The following UST variants were observed in gnomAD, a reference collection of about 807,000 sequenced individuals.
UST encodes chondroitin sulfate 2-O-sulfotransferase.
In UST, 21 loss-of-function variants were observed where a neutral mutation model predicts 45.6. The observed-to-expected ratio is 0.46, with a 90% CI of 0.33 to 0.66. The LOEUF (loss-of-function observed/expected upper bound fraction) is 0.66. UST is among the 30% of genes least tolerant of loss of function. UST has a pLI of 0.02. For synonymous variants in UST, 215 were observed against 200.6 expected, an observed-to-expected ratio of 1.07 and a Z score of -0.61; for missense variants, 463 against 512.4, an observed-to-expected ratio of 0.90 and a Z score of 0.93.
At position 148,895,306 on chromosome 6, in the gene UST, CAT is replaced by C. The variant is rs1344728712; in HGVS notation, c.291+8280_291+8281del. Among the ~76,000 whole-genome samples the C allele has an allele frequency of 2.0e-5, 3 of 152,054 alleles. No individual in the cohort carries two copies. The East Asian group carries it at 5.8e-4, about 29-fold the overall frequency. On this transcript the variant is annotated intron_variant, in intron 2 of 7. Transcript: ENST00000367463. The stretch of plus-strand genomic sequence containing the variant: ...ATTGTGTTATCTTCTACACAAAAAA[CAT>C]ATTATATTACATCATATTTTTCTCT...
At chr6:148,823,519 A>G (rs973181870) in intron 1 of UST, among the ~76,000 whole-genome samples, 2 of 152,128 alleles carry the variant, frequency 1.3e-5, no homozygotes, top group Non-Finnish European at 2.9e-5. Context: ...GGAGAATTAT[A>G]TTTTCTTTCT....
intron 2 of UST, among the ~76,000 whole-genome samples, chr6:148,923,845 C>T (rs1046833431): frequency 1.3e-5 from 2 of 152,194 alleles, no homozygotes; most frequent in African/African-American, 2.4e-5. Flanking sequence ...CGCTTGGAAG[C>T]CAGATAGGCC....
intron 2 of UST, among the ~76,000 whole-genome samples, chr6:148,930,623 G>A (rs1430227289): frequency 6.6e-6 from 1 of 152,172 alleles, no homozygotes; most frequent in African/African-American, 2.4e-5. Context: ...CCCACATGCA[G>A]GCTGTTTTCA....
At chr6:149,048,937 C>T (rs1776434292) in intron 7 of UST, among the ~76,000 whole-genome samples, 1 of 152,154 alleles carries the variant, frequency 6.6e-6, no homozygotes, top group Non-Finnish European at 1.5e-5. Context: ...ACATTGTTAA[C>T]CCCTGGGGTA....
intron 1 of UST, among the ~76,000 whole-genome samples, chr6:148,783,696 C>G (rs371339461): frequency 6.6e-6 from 1 of 152,212 alleles, no homozygotes; most frequent in African/African-American, 2.4e-5. Flanking sequence ...TTCTCAACCC[C>G]TAAGCATGTT....
chr6:148,908,248 C>A lies in UST; in HGVS notation c.291+21219C>A, dbSNP rs191776441. Reference sequence around the variant, plus strand: ...AGTTTGTTTTAACTAGTTTTTATTCCTAGTAAAAATAGGCTCTCATTACTA... The same window carrying A: ...AGTTTGTTTTAACTAGTTTTTATTCATAGTAAAAATAGGCTCTCATTACTA... On this transcript the variant is annotated intron_variant, in intron 2 of 7. Coordinates refer to ENST00000367463, the MANE Select transcript of UST (RefSeq NM_005715.3). Among the ~76,000 whole-genome samples the A allele has an allele frequency of 3.7e-3, 565 of 152,080 alleles. 4 individuals are homozygous for A. The highest frequency in any genetic ancestry group is 0.014 in the Middle Eastern group (4 of 294).
intron 3 of UST, among the ~76,000 whole-genome samples, chr6:148,953,281 T>C (rs1780403362): frequency 6.6e-6 from 1 of 152,222 alleles, no homozygotes; most frequent in Non-Finnish European, 1.5e-5. Flanking sequence ...AGGCATTCTT[T>C]TATTTACATT....
At chr6:148,840,854 C>G (rs530029984) in intron 1 of UST, among the ~76,000 whole-genome samples, 1 of 152,268 alleles carries the variant, frequency 6.6e-6, no homozygotes, top group Admixed American at 6.5e-5. Context: ...GCTGGACACC[C>G]GGGTGCTCAG....
chr6:148,833,672 G>T (rs1395617963), intron 1 of UST, among the ~76,000 whole-genome samples: 1 of 152,166 alleles, frequency 6.6e-6, no homozygotes, highest in Non-Finnish European at 1.5e-5. Flanking sequence ...TTCTAGTTTT[G>T]CTGGAAATAG....
At chr6:148,954,033 C>A in intron 4 of UST, 82 bp downstream of exon 4, 2 of 1,105,028 alleles carry the variant, frequency 1.8e-6, no homozygotes, top group Non-Finnish European at 2.6e-6. Flanking sequence ...ATTTACAAGG[C>A]AGTGCAATTG....
At chr6:148,864,161 G>A (rs1182851918) in intron 1 of UST, among the ~76,000 whole-genome samples, 2 of 152,196 alleles carry the variant, frequency 1.3e-5, no homozygotes, top group Non-Finnish European at 2.9e-5. Context: ...CCCAGTTTGA[G>A]CTTCCCGGCC....
intron 1 of UST, among the ~76,000 whole-genome samples, chr6:148,788,361 A>T (rs944415565): frequency 1.1e-4 from 16 of 152,168 alleles, no homozygotes; most frequent in Non-Finnish European, 2.1e-4. Flanking sequence ...ATATACACAC[A>T]CACACACTTA....
intron 1 of UST, among the ~76,000 whole-genome samples, chr6:148,837,700 T>C (rs1326566220): frequency 1.3e-5 from 2 of 150,890 alleles, no homozygotes; most frequent in African/African-American, 2.4e-5. Flanking sequence ...TTTTTTTTTT[T>C]CTCTCCTTTT....
rs183640989 is a variant in UST, at chr6:148,810,381, A to G, written c.247+62704A>G. On this transcript the variant is annotated intron_variant, in intron 1 of 7. Transcript: ENST00000367463. Reference sequence around the variant, plus strand: ...TTGCTATTGGCTTTAGTGGTAGTGCATTATCTGAATTGATGTAAATAGTAT... The same window carrying G: ...TTGCTATTGGCTTTAGTGGTAGTGCGTTATCTGAATTGATGTAAATAGTAT... 3.2e-3 allele frequency among the ~76,000 whole-genome samples: 483 copies of G among 152,332 alleles called. 4 individuals are homozygous for G. Among genetic ancestry groups the G allele is most frequent in the African/African-American group, 0.011 (470 of 41,582 alleles).
intron 5 of UST, among the ~76,000 whole-genome samples, chr6:148,980,436 T>C (rs1027402845): frequency 6.6e-6 from 1 of 152,224 alleles, no homozygotes; most frequent in Non-Finnish European, 1.5e-5. Flanking sequence ...AGCTTTTGCA[T>C]AGTGCTGCCA....
At chr6:148,937,499 A>G (rs114792949) in intron 2 of UST, among the ~76,000 whole-genome samples, 204 of 152,358 alleles carry the variant, frequency 1.3e-3, no homozygotes, top group African/African-American at 4.4e-3. Context: ...GAATTACCCA[A>G]TAGCCTAAAG....
intron 5 of UST, among the ~76,000 whole-genome samples, chr6:148,989,226 G>T (rs901224857): frequency 3.0e-5 from 2 of 67,128 alleles, no homozygotes; most frequent in Non-Finnish European, 2.8e-5. Context: ...CCCACCCCCC[G>T]CAAATGAAAA....
intron 5 of UST, among the ~76,000 whole-genome samples, chr6:148,983,025 T>C (rs992970157): frequency 6.6e-6 from 1 of 152,252 alleles, no homozygotes; most frequent in Non-Finnish European, 1.5e-5. Context: ...GAGCACAGTC[T>C]GTATTTAATT....
chr6:148,747,107 G>A lies in UST; in HGVS notation c.-324G>A, dbSNP rs951598395. Among the ~76,000 whole-genome samples, 18 of 150,676 alleles carry A rather than the reference G, an allele frequency of 1.2e-4. No homozygotes were observed. Among genetic ancestry groups the A allele is most frequent in the African/African-American group, 3.6e-4 (15 of 41,284 alleles). On this transcript the variant is annotated 5_prime_UTR_variant, in exon 1 of 8. Coordinates refer to ENST00000367463, the MANE Select transcript of UST (RefSeq NM_005715.3). ...GGGGGTCCACGCTGGCGCTGGAGGC[G>A]AGCCCCGGCGGCCGCAAGCGAGCCC...
Sources: allele counts gnomAD v4.1 joint callset (sites outside exome capture counted in the v4.1 genomes callset), GRCh38; gene constraint gnomAD v4.1.1; transcripts MANE v1.5; gene names NCBI Gene and HGNC (gene_info 2026-07-23, HGNC 2026-07-21).